ARRB1: variants seen among roughly 807,000 people sequenced by gnomAD.
ARRB1 encodes beta-arrestin-1.
Under a neutral mutation model 56.8 loss-of-function variants are expected in ARRB1, and 21 were observed. The observed-to-expected ratio is 0.37, with a 90% confidence interval of 0.26 to 0.53. The LOEUF is 0.53. ARRB1 is among the 20% of genes least tolerant of loss of function. ARRB1 has a pLI of 0.88. For synonymous variants in ARRB1, 210 were observed against 218.6 expected, an observed-to-expected ratio of 0.96 and a Z score of 0.35; for missense variants, 424 against 553.7, an observed-to-expected ratio of 0.77 and a Z score of 2.35.
chr11:75,281,488 C>G (rs886175272), intron 6 of ARRB1: 13 of 365,790 alleles, frequency 3.6e-5, no homozygotes, highest in Non-Finnish European at 6.0e-5. Flanking sequence ...GCACACCCGG[C>G]CCTGGGTGGC....
At chr11:75,323,405 G>A (rs959187994) in intron 1 of ARRB1, among the ~76,000 whole-genome samples, 1 of 152,146 alleles carries the variant, frequency 6.6e-6, no homozygotes, top group Non-Finnish European at 1.5e-5. Context: ...GATCACTTGC[G>A]GTCAGGAGCT....
chr11:75,347,549 C>T lies in ARRB1; in HGVS notation c.20+4039G>A, dbSNP rs996841897. Among the ~76,000 whole-genome samples, 5 of 152,316 alleles carry T rather than the reference C, an allele frequency of 3.3e-5. No homozygotes were observed. In the South Asian group the frequency reaches 6.2e-4, roughly 19 times the overall value. ...TGGAAACGGCAAGGCCCAGAAAGGA[C>T]GCACAACTTGAGGCTGGGAGCTGCT... On this transcript the variant is annotated intron_variant, in intron 1 of 15. Coordinates refer to ENST00000420843, the MANE Select transcript of ARRB1 (RefSeq NM_004041.5).
Position 75,262,385 on chromosome 11 carries a change from T to C in ARRB1, c.*3778A>G, listed in dbSNP as rs1347635578. 6.6e-6 allele frequency: 1 copy of C among 152,250 alleles called. No homozygotes were observed. Among genetic ancestry groups the C allele is most frequent in the Non-Finnish European group, 1.5e-5 (1 of 68,086 alleles). The allele number at this position is 152,250 out of a possible 1,614,324, so 9.4% of individuals were successfully genotyped here. A position where few individuals can be genotyped will look rare whatever the true frequency, so the allele number is the denominator to read the frequency against. ...GTCCTGGTTGCTGGGACCACTATTT[T>C]TGGGCATGATATTCCTGAATTGTAT... On this transcript the variant is annotated 3_prime_UTR_variant, in exon 16 of 16. Transcript: ENST00000420843.
chr11:75,272,848 C>T lies in ARRB1; in HGVS notation c.998+47G>A, dbSNP rs371084045. On this transcript the variant is annotated intron_variant, in intron 12 of 15. Transcript: ENST00000420843. ...GGCAGGGGCCTGTGGGCACCTGGGA[C>T]GCTCCCCTCTGCACTCCGGGGTCTT... The T allele has an allele frequency of 2.8e-5, 45 of 1,597,762 alleles. No homozygotes were observed. In the Middle Eastern group the frequency reaches 5.0e-4, roughly 18 times the overall value.
intron 1 of ARRB1, among the ~76,000 whole-genome samples, chr11:75,349,973 A>T (rs1176105647): frequency 6.6e-6 from 1 of 152,146 alleles, no homozygotes; most frequent in African/African-American, 2.4e-5. Flanking sequence ...GCCCCTTTTG[A>T]CCTTAGGCAA....
chr11:75,338,179 G>T (rs1253439298), intron 1 of ARRB1, among the ~76,000 whole-genome samples: 2 of 152,110 alleles, frequency 1.3e-5, no homozygotes, highest in Non-Finnish European at 2.9e-5. Context: ...CTAGAGAATG[G>T]GGACTTTCCC....
chr11:75,346,430 T>C (rs907066727), intron 1 of ARRB1, among the ~76,000 whole-genome samples: 3 of 151,978 alleles, frequency 2.0e-5, no homozygotes, highest in African/African-American at 7.3e-5. Context: ...TAGGTTCCCA[T>C]ACCCAGTCTT....
At chr11:75,280,225 A>G (rs539747931) in intron 7 of ARRB1, among the ~76,000 whole-genome samples, 297 of 152,206 alleles carry the variant, frequency 2.0e-3, no homozygotes, top group Non-Finnish European at 3.6e-3. Context: ...CCCTGGTCTC[A>G]GGTCTTAAGA....
rs1945830573 is a variant in ARRB1 at position 75,262,942 on chromosome 11, G to C, written c.*3221C>G. Reference sequence around the variant, plus strand: ...CTCAGTCCTTATCTTCATGGGGACTGAACTCTTCCCCTGGGTGGAATGCTG... The same window carrying C: ...CTCAGTCCTTATCTTCATGGGGACTCAACTCTTCCCCTGGGTGGAATGCTG... On this transcript the variant is annotated 3_prime_UTR_variant, in exon 16 of 16. Coordinates refer to ENST00000420843, the MANE Select transcript of ARRB1 (RefSeq NM_004041.5). 6.6e-6 allele frequency among the ~76,000 whole-genome samples: 1 copy of C among 152,220 alleles called. No homozygotes were observed.
chr11:75,334,478 G>A (rs1039987595), intron 1 of ARRB1, among the ~76,000 whole-genome samples: 1 of 152,134 alleles, frequency 6.6e-6, no homozygotes, highest in Non-Finnish European at 1.5e-5. Context: ...AGGTTAATTT[G>A]ACAGACAGCA....
intron 1 of ARRB1, among the ~76,000 whole-genome samples, chr11:75,298,774 A>G (rs1165279910): frequency 7.5e-6 from 1 of 132,632 alleles, no homozygotes; most frequent in Non-Finnish European, 1.5e-5. Flanking sequence ...AAAAAGAGTG[A>G]AAAAAAAAAT....
chr11:75,307,237 GGAAGGGGTCAAAGT>G (rs1388232739), intron 1 of ARRB1, among the ~76,000 whole-genome samples: 1 of 152,172 alleles, frequency 6.6e-6, no homozygotes, highest in Non-Finnish European at 1.5e-5. Flanking sequence ...ATCAGGGAGC[GGAAGGGGTCAAAGT>G]GAAGGGGTCA....
chr11:75,290,842 C>T (rs372937722), intron 1 of ARRB1, among the ~76,000 whole-genome samples: 60 of 152,302 alleles, frequency 3.9e-4, no homozygotes, highest in African/African-American at 1.3e-3. Context: ...TGGACTCAAG[C>T]GATCTGCCCA....
At chr11:75,312,569 C>T (rs1304615871) in intron 1 of ARRB1, among the ~76,000 whole-genome samples, 1 of 152,132 alleles carries the variant, frequency 6.6e-6, no homozygotes, top group Non-Finnish European at 1.5e-5. Context: ...TCCTAATCAC[C>T]AGAGCTGTGG....
chr11:75,283,213 T>C (rs1269794552), intron 5 of ARRB1, 74 bp downstream of exon 5: 3 of 1,482,310 alleles, frequency 2.0e-6, no homozygotes, highest in African/African-American at 2.8e-5. Flanking sequence ...CTCACCGCCC[T>C]CTTATGCCCA....
intron 10 of ARRB1, among the ~76,000 whole-genome samples, chr11:75,275,335 T>C (rs558819593): frequency 6.6e-6 from 1 of 151,872 alleles, no homozygotes; most frequent in South Asian, 2.1e-4. Flanking sequence ...TTAGTAGAGA[T>C]GAGGTTTTGC....
At chr11:75,284,558 C>G (rs1946429008) in intron 3 of ARRB1, among the ~76,000 whole-genome samples, 2 of 152,058 alleles carry the variant, frequency 1.3e-5, no homozygotes, top group Admixed American at 1.3e-4. Flanking sequence ...AACCTAGGTC[C>G]GAAACTCCTA....
intron 1 of ARRB1, among the ~76,000 whole-genome samples, chr11:75,324,950 G>A (rs505443): frequency 0.58 from 87,844 of 151,194 alleles, 25,993 homozygotes; most frequent in African/African-American, 0.69. Flanking sequence ...GGTGGCTGGC[G>A]TGAGGTGAGG....
In ARRB1 at chr11:75,274,229, A is replaced by G; in HGVS notation, c.777-18T>C. 1 of 1,613,288 alleles carries G rather than the reference A, an allele frequency of 6.2e-7. No individual in the cohort carries two copies. Among genetic ancestry groups the G allele is most frequent in the South Asian group, 1.1e-5 (1 of 91,056 alleles). ...CAGTGTCACTGGGAAGAAAGGAAGC[A>G]GCTGTGGAGATGGCCCTCCCCAGAG... On this transcript the variant is annotated intron_variant, in intron 10 of 15. Transcript: ENST00000420843.
Sources: gnomAD v4.1 joint callset for allele counts (sites outside exome capture counted in the v4.1 genomes callset) on GRCh38, gnomAD v4.1.1 for gene constraint, MANE v1.5 for transcripts, NCBI Gene and HGNC (gene_info 2026-07-23, HGNC 2026-07-21) for gene names.